Variants in SYNJ2 observed in about 807,000 individuals in gnomAD.
SYNJ2 encodes polyphosphatidylinositol phosphatase SYNJ2.
Under a neutral mutation model 141.3 loss-of-function variants are expected in SYNJ2, and 116 were observed. The observed-to-expected ratio is 0.82, with a 90% confidence interval of 0.71 to 0.96. The LOEUF is 0.96. Ranked by LOEUF, SYNJ2 falls within the 40% of genes least tolerant of loss-of-function variation. The pLI is 0.00. For missense variants in SYNJ2, 1,873 were observed against 1,934.8 expected (o/e 0.97, Z 0.60); for synonymous variants, 745 against 777.7 (o/e 0.96, Z 0.70).
chr6:158,005,755 G>T (rs2128322339), intron 1 of SYNJ2, among the ~76,000 whole-genome samples: 1 of 151,638 alleles, frequency 6.6e-6, no homozygotes, highest in African/African-American at 2.4e-5. Context: ...CCTCAGCTCT[G>T]CTGTGCCTCC....
chr6:158,036,933 TAA>T, intron 4 of SYNJ2, among the ~76,000 whole-genome samples: 1 of 152,314 alleles, frequency 6.6e-6, no homozygotes, highest in East Asian at 1.9e-4. Flanking sequence ...AACTTTTATT[TAA>T]AATACTGGTT....
chr6:158,022,602 G>A (rs1778836018), intron 2 of SYNJ2, among the ~76,000 whole-genome samples: 1 of 152,234 alleles, frequency 6.6e-6, no homozygotes, highest in African/African-American at 2.4e-5. Context: ...CCCAGAGAGG[G>A]TAAGAGCCTT....
intron 8 of SYNJ2, among the ~76,000 whole-genome samples, chr6:158,062,662 G>A (rs1781297556): frequency 6.6e-6 from 1 of 151,856 alleles, no homozygotes; most frequent in South Asian, 2.1e-4. Flanking sequence ...ACATGCAGGG[G>A]GTCCTCATTA....
intron 2 of SYNJ2, among the ~76,000 whole-genome samples, chr6:158,018,871 G>A (rs1384040180): frequency 1.3e-5 from 2 of 152,262 alleles, no homozygotes; most frequent in Non-Finnish European, 2.9e-5. Context: ...GCGGGCTGCC[G>A]AGGGTTTTCT....
chr6:158,087,569 C>T (rs939520419), intron 23 of SYNJ2, among the ~76,000 whole-genome samples: 6 of 152,226 alleles, frequency 3.9e-5, no homozygotes, highest in African/African-American at 1.4e-4. Context: ...GATCCACTTG[C>T]ATTTTCCCAC....
chr6:158,017,366 A>C, intron 2 of SYNJ2, 76 bp downstream of exon 2: 2 of 1,464,322 alleles, frequency 1.4e-6, no homozygotes, highest in Non-Finnish European at 1.8e-6. Flanking sequence ...AAGGGGCCTC[A>C]GTGCAGGCAT....
intron 4 of SYNJ2, among the ~76,000 whole-genome samples, chr6:158,037,232 A>C (rs1398316504): frequency 6.6e-6 from 1 of 151,764 alleles, no homozygotes; most frequent in African/African-American, 2.4e-5. Context: ...CCCCCTGGGG[A>C]GAACCCTTCT....
chr6:158,016,794 C>G (rs148519312), intron 1 of SYNJ2, among the ~76,000 whole-genome samples: 35 of 152,286 alleles, frequency 2.3e-4, no homozygotes, highest in Middle Eastern at 6.8e-3. Flanking sequence ...TCTGCCCAGT[C>G]TCCCCAAGTT....
At chr6:158,073,070 A>T (rs1782039947) in intron 15 of SYNJ2, among the ~76,000 whole-genome samples, 2 of 6,726 alleles carry the variant, frequency 3.0e-4, no homozygotes, top group Non-Finnish European at 7.0e-4. Flanking sequence ...ACTCTGTCTA[A>T]AAAAAAAAAA....
chr6:158,035,734 C>G (rs1779603681), intron 4 of SYNJ2, among the ~76,000 whole-genome samples: 1 of 152,090 alleles, frequency 6.6e-6, no homozygotes, highest in African/African-American at 2.4e-5. Flanking sequence ...TTGTCCTGTG[C>G]TGGTTTTCAG....
rs1032020828 is a variant in SYNJ2, at chr6:158,071,281, G to A, written c.1941-321G>A. Among the ~76,000 whole-genome samples, 5 of 152,324 alleles carry A rather than the reference G, an allele frequency of 3.3e-5. No individual in the cohort carries two copies. The East Asian group carries it at 7.7e-4, about 24-fold the overall frequency. On this transcript the variant is annotated intron_variant, in intron 14 of 26. Coordinates refer to ENST00000355585, the MANE Select transcript of SYNJ2 (RefSeq NM_003898.4). This position sits in a 1 kb window ranked among gnomAD's most constrained non-coding sequence, Gnocchi z 4.3. Reference sequence around the variant, plus strand: ...CAGGAGTGGGGTGGGCTGGTGGGTGGTGATGTTTGCGCCGCTCCTGGTGGC... The same window carrying A: ...CAGGAGTGGGGTGGGCTGGTGGGTGATGATGTTTGCGCCGCTCCTGGTGGC...
At chr6:158,041,246 C>G (rs929214212) in intron 4 of SYNJ2, among the ~76,000 whole-genome samples, 3 of 152,160 alleles carry the variant, frequency 2.0e-5, no homozygotes, top group Non-Finnish European at 4.4e-5. Context: ...TGTGCTAATA[C>G]CAGAGCCCAC....
At chr6:158,059,954 C>A (rs890188018) in intron 7 of SYNJ2, among the ~76,000 whole-genome samples, 1 of 152,220 alleles carries the variant, frequency 6.6e-6, no homozygotes, top group Non-Finnish European at 1.5e-5. Flanking sequence ...ACCCTCCCTC[C>A]CCATGGGGCT....
rs377511051 is a variant in SYNJ2 at position 158,069,573 on chromosome 6, G to A, written c.1840G>A (p.Ala614Thr). Residue 614 changes from alanine to threonine, a missense_variant, in exon 14 of 27, where the codon GCC becomes ACC. By Grantham distance (58) the Ala-to-Thr change is moderately conservative (BLOSUM62 0). Coordinates refer to ENST00000355585, the MANE Select transcript of SYNJ2 (RefSeq NM_003898.4). ...KKMWGEQLQK[A>T]ISRSHRYILL... The stretch of plus-strand genomic sequence containing the variant: ...GATGTGGGGTGAACAGCTTCAGAAA[G>A]CCATCTCACGCTCTCATAGATACAT... The A allele has an allele frequency of 2.5e-6, 4 of 1,613,986 alleles. No individual in the cohort carries two copies. Among genetic ancestry groups the A allele is most frequent in the Admixed American group, 3.3e-5 (2 of 60,024 alleles).
chr6:158,043,282 A>T lies in SYNJ2; in HGVS notation c.712-34A>T. The T allele has an allele frequency of 1.3e-6, 2 of 1,596,008 alleles. No homozygotes were observed. Among genetic ancestry groups the T allele is most frequent in the Non-Finnish European group, 1.7e-6 (2 of 1,163,930 alleles). On this transcript the variant is annotated intron_variant, in intron 4 of 26. Transcript: ENST00000355585. The surrounding 1 kb of genome is among the most constrained non-coding windows in gnomAD (Gnocchi z 4.0). ...CCCAGGACGTTCGGTTTCATTGAAG[A>T]ATACCTTTCCCTTTCTGTTTCCTTG... is the stretch of plus-strand genomic sequence containing the variant.
rs796573268 is a variant in SYNJ2, at chr6:158,087,878, T to C, written c.3344-782T>C. Among the ~76,000 whole-genome samples the C allele has an allele frequency of 6.8e-5, 10 of 147,740 alleles. 1 individual carries two copies. The highest frequency in any genetic ancestry group is 6.3e-4 in the South Asian group (3 of 4,766). On this transcript the variant is annotated intron_variant, in intron 23 of 26. Transcript: ENST00000355585. ...ATGTATCTGCAGCAACATACTTCTT[T>C]TTTTTTTTTTTTTTTTTTAACAAAA... is the stretch of plus-strand genomic sequence containing the variant.
upstream of SYNJ2, chr6:157,981,857 C>T (rs1777023204): frequency 9.5e-7 from 1 of 1,056,060 alleles, no homozygotes; most frequent in Non-Finnish European, 1.2e-6. This position sits in a 1 kb window ranked among gnomAD's most constrained non-coding sequence, Gnocchi z 6.4. Context: ...AGCGGCGGCG[C>T]AAAGTGAAAC....
chr6:158,001,610 G>A (rs541238311), intron 1 of SYNJ2: 2 of 152,248 alleles, frequency 1.3e-5, no homozygotes, highest in South Asian at 4.1e-4. Flanking sequence ...ATGTTGGCCA[G>A]GCTGGTCTCG....
intron 5 of SYNJ2, among the ~76,000 whole-genome samples, chr6:158,051,506 T>TA (rs111345675): frequency 3.3e-3 from 488 of 150,112 alleles, no homozygotes; most frequent in African/African-American, 9.8e-3. Context: ...AGCAAAAAAA[T>TA]AAAAAAAAAC....
Sources: gnomAD v4.1 joint callset for allele counts (sites outside exome capture counted in the v4.1 genomes callset) on GRCh38, gnomAD v4.1.1 for gene constraint, Gnocchi (gnomAD v3.1) non-coding constraint, MANE v1.5 for transcripts, NCBI Gene and HGNC (gene_info 2026-07-23, HGNC 2026-07-21) for gene names.